Variants in RFX8 observed in about 807,000 individuals in gnomAD.
RFX8 encodes the protein DNA-binding protein RFX8.
In RFX8, 46 loss-of-function variants were observed where a neutral mutation model predicts 54.6. The ratio of observed to expected loss-of-function variants is 0.84; its 90% CI spans 0.67 to 1.08. The LOEUF (loss-of-function observed/expected upper bound fraction) is 1.08, where lower values mean the gene tolerates loss of function less well. Ranked by LOEUF, RFX8 falls within the 50% of genes least tolerant of loss-of-function variation. The probability of loss-of-function intolerance (pLI) is 0.00; values close to 1 mark genes in which losing one functional copy is unlikely to be tolerated. For synonymous variants in RFX8, 192 were observed against 209.5 expected (o/e 0.92, Z 0.72); for missense variants, 536 against 562.3 (o/e 0.95, Z 0.47).
intron 9 of RFX8, among the ~76,000 whole-genome samples, chr2:101,407,429 C>T (rs1228122728): frequency 6.6e-6 from 1 of 152,312 alleles, no homozygotes; most frequent in Non-Finnish European, 1.5e-5. Flanking sequence ...CGGTGGCTCA[C>T]GCCTATAATC....
At chr2:101,426,169 C>A in intron 2 of RFX8, among the ~76,000 whole-genome samples, 1 of 152,188 alleles carries the variant, frequency 6.6e-6, no homozygotes, top group Non-Finnish European at 1.5e-5. Context: ...ATATATACAT[C>A]TATTATATAT....
At chr2:101,442,874 C>A (rs1008144283) in intron 2 of RFX8, among the ~76,000 whole-genome samples, 1 of 151,872 alleles carries the variant, frequency 6.6e-6, no homozygotes, top group Non-Finnish European at 1.5e-5. Flanking sequence ...CTCTGGGGAG[C>A]GGAAGAGTGT....
At chr2:101,442,770 G>A (rs937404442) in intron 2 of RFX8, among the ~76,000 whole-genome samples, 5 of 152,096 alleles carry the variant, frequency 3.3e-5, no homozygotes, top group African/African-American at 1.2e-4. Flanking sequence ...GTTCCTGCTG[G>A]TGCTACCTGA....
At chr2:101,442,251 G>C (rs957661412) in intron 2 of RFX8, among the ~76,000 whole-genome samples, 3 of 152,042 alleles carry the variant, frequency 2.0e-5, no homozygotes, top group Admixed American at 1.3e-4. Flanking sequence ...CCTGATTTTT[G>C]TTTCATCAAA....
chr2:101,398,557 G>C lies in RFX8; in HGVS notation c.1246-833C>G, dbSNP rs181955695. 2.6e-5 allele frequency among the ~76,000 whole-genome samples: 4 copies of C among 152,138 alleles called. No homozygotes were observed. In the East Asian group the frequency reaches 7.7e-4, roughly 29 times the overall value. On this transcript the variant is annotated intron_variant, in intron 11 of 11. Transcript: ENST00000428343. ...CCGTCAAATAAACCACTAAATGGGG[G>C]AAAAAACCTATGAAAACAGCAATCT...
chr2:101,421,483 C>T, intron 4 of RFX8: 1 of 1,193,492 alleles, frequency 8.4e-7, no homozygotes, highest in Non-Finnish European at 1.0e-6. Flanking sequence ...GTATTTAGAG[C>T]CTAAAGTTAT....
intron 1 of RFX8, among the ~76,000 whole-genome samples, chr2:101,472,685 G>C (rs1047771518): frequency 6.6e-6 from 1 of 152,126 alleles, no homozygotes; most frequent in African/African-American, 2.4e-5. Context: ...GATAGCTGAT[G>C]AGCCAAAACA....
chr2:101,424,017 TA>T (rs1687020794), intron 2 of RFX8, among the ~76,000 whole-genome samples: 1 of 152,192 alleles, frequency 6.6e-6, no homozygotes, highest in African/African-American at 2.4e-5. Flanking sequence ...AGAAAATGCA[TA>T]CTACGCACAC....
intron 1 of RFX8, among the ~76,000 whole-genome samples, chr2:101,467,462 G>C (rs1689639970): frequency 6.6e-6 from 1 of 152,116 alleles, no homozygotes; most frequent in Non-Finnish European, 1.5e-5. Flanking sequence ...CATTATGTTT[G>C]GATTCTTTGA....
chr2:101,405,838 T>A, intron 10 of RFX8, 105 bp downstream of exon 10: 1 of 624,312 alleles, frequency 1.6e-6, no homozygotes, highest in East Asian at 3.0e-5. Flanking sequence ...ATAGAAAGGT[T>A]AAAAGAAGAC....
At chr2:101,404,975 G>A (rs1205954346) in intron 10 of RFX8, among the ~76,000 whole-genome samples, 1 of 152,082 alleles carries the variant, frequency 6.6e-6, no homozygotes, top group Non-Finnish European at 1.5e-5. Context: ...TCTCTATGCA[G>A]GGATCACTTG....
intron 2 of RFX8, among the ~76,000 whole-genome samples, chr2:101,438,385 A>G (rs6759537): frequency 0.76 from 115,116 of 152,084 alleles, 44,527 homozygotes; most frequent in Middle Eastern, 0.88. Flanking sequence ...ATCAGTTGAT[A>G]GACACTTAGA....
At position 101,450,821 on chromosome 2, in the gene RFX8, C is replaced by T. The variant is rs997674308; in HGVS notation, c.72+15956G>A. On this transcript the variant is annotated intron_variant, in intron 2 of 11. Transcript: ENST00000428343. Reference sequence around the variant, plus strand: ...GCTGCATTTCTCTGGAAAAGCTAATCCTTCAGTCTGACCAAGCTCTGTTAT... The same window carrying T: ...GCTGCATTTCTCTGGAAAAGCTAATTCTTCAGTCTGACCAAGCTCTGTTAT... 5 of 606,380 alleles carry T rather than the reference C, an allele frequency of 8.2e-6. No individual in the cohort carries two copies. In the African/African-American group the frequency reaches 9.2e-5, roughly 11 times the overall value. The allele number at this position is 606,380 out of a possible 1,614,324, so 37.6% of individuals were successfully genotyped here.
intron 2 of RFX8, among the ~76,000 whole-genome samples, chr2:101,457,895 G>A (rs188403027): frequency 6.6e-6 from 1 of 152,304 alleles, no homozygotes; most frequent in Admixed American, 6.5e-5. Context: ...GGGTGCTCCT[G>A]TATTGGGTGC....
At chr2:101,403,945 A>G (rs1390076496) in intron 10 of RFX8, among the ~76,000 whole-genome samples, 3 of 152,242 alleles carry the variant, frequency 2.0e-5, no homozygotes, top group Non-Finnish European at 2.9e-5. Flanking sequence ...TAATGCTGAC[A>G]GTGACAAATA....
intron 1 of RFX8, 168 bp downstream of exon 1, chr2:101,474,468 A>C (rs1309817584): frequency 2.8e-6 from 1 of 353,532 alleles, no homozygotes; most frequent in Non-Finnish European, 5.1e-6. Flanking sequence ...GCGCGCGGCG[A>C]GTACGGGAGG....
Position 101,399,782 on chromosome 2 carries a change from G to GATAAGTTCTATCT in RFX8, c.1246-2059_1246-2058insAGATAGAACTTAT, listed in dbSNP as rs879366755. Among the ~76,000 whole-genome samples, 1,127 of 152,318 alleles carry GATAAGTTCTATCT rather than the reference G, an allele frequency of 7.4e-3. 20 individuals carry two copies. Among genetic ancestry groups the GATAAGTTCTATCT allele is most frequent in the African/African-American group, 0.025 (1,058 of 41,552 alleles). On this transcript the variant is annotated intron_variant, in intron 11 of 11. Coordinates refer to ENST00000428343, the MANE Select transcript of RFX8 (RefSeq NM_001145664.2). Reference sequence around the variant, plus strand: ...TGTCCAGTGTTCTATCTAATAAGGGGAAGAAGTAGAATTTGAACCCAGAAA... The same window carrying GATAAGTTCTATCT: ...TGTCCAGTGTTCTATCTAATAAGGGGATAAGTTCTATCTAAGAAGTAGAATTTGAACCCAGAAA...
chr2:101,437,762 GATCT>G (rs2148953363), intron 2 of RFX8, among the ~76,000 whole-genome samples: 1 of 151,968 alleles, frequency 6.6e-6, no homozygotes, highest in South Asian at 2.1e-4. Context: ...ACACTCTGCT[GATCT>G]TAAATTTCCC....
chr2:101,463,063 C>T (rs9678978), intron 2 of RFX8, among the ~76,000 whole-genome samples: 63,047 of 152,014 alleles, frequency 0.41, 15,084 homozygotes, highest in Non-Finnish European at 0.51. Flanking sequence ...ATTATCTGTC[C>T]GTCCATCACC....
Sources: allele counts gnomAD v4.1 joint callset (sites outside exome capture counted in the v4.1 genomes callset), GRCh38; gene constraint gnomAD v4.1.1; transcripts MANE v1.5; gene names NCBI Gene and HGNC (gene_info 2026-07-23, HGNC 2026-07-21).